Variants in FKBP10 observed in about 807,000 individuals in gnomAD.
FKBP10 encodes FKBP prolyl isomerase 10.
In FKBP10, 34 loss-of-function variants were observed where a neutral mutation model predicts 53.7. The ratio of observed to expected loss-of-function variants is 0.63; its 90% CI spans 0.48 to 0.84. The LOEUF is 0.84. Ranked by LOEUF, FKBP10 falls within the 40% of genes least tolerant of loss-of-function variation. The pLI is 0.00. For missense variants in FKBP10, 748 were observed against 797.8 expected (o/e 0.94, Z 0.75); for synonymous variants, 324 against 335.7 (o/e 0.97, Z 0.38).
At chr17:41,817,250 C>T in intron 2 of FKBP10, 47 bp downstream of exon 2, 1 of 1,603,600 alleles carries the variant, frequency 6.2e-7, no homozygotes, top group Non-Finnish European at 8.5e-7. Flanking sequence ...GACCACGAGG[C>T]AGAATCAGGG....
In FKBP10 at chr17:41,820,412, C is replaced by G. The variant is rs372896892; in HGVS notation, c.1207C>G (p.Arg403Gly). 1.2e-6 allele frequency: 2 copies of G among 1,613,978 alleles called. No homozygotes were observed. The highest frequency in any genetic ancestry group is 1.7e-6 in the Non-Finnish European group (2 of 1,180,042). ...NETTKLGDFV[R>G]YHYNCSLLDG... ...GACCACCAAGCTTGGGGACTTTGTT[C>G]GATACCATTACAACTGTTCTTTGCT... The change falls in exon 7 of 10, where the codon CGA becomes GGA. Residue 403 changes from arginine to glycine, a missense_variant. Arg to Gly is a moderately radical substitution (Grantham distance 125). Transcript: ENST00000321562.
At position 41,822,700 on chromosome 17, in the gene FKBP10, G is replaced by T; in HGVS notation, c.*292G>T. On this transcript the variant is annotated 3_prime_UTR_variant, in exon 10 of 10. Coordinates refer to ENST00000321562, the MANE Select transcript of FKBP10 (RefSeq NM_021939.4). ...CCTGGGGTTGGATAGGGCCATGGCT[G>T]GTCCCCCACCATACCTCCCCTCCAC... 2.1e-6 allele frequency: 1 copy of T among 484,108 alleles called. No homozygotes were observed. Among genetic ancestry groups the T allele is most frequent in the East Asian group, 3.9e-5 (1 of 25,574 alleles). 30.0% of individuals were successfully genotyped at this position (484,108 alleles called of 1,614,324 possible).
At chr17:41,815,119 A>G (rs370954634) in intron 1 of FKBP10, among the ~76,000 whole-genome samples, 3 of 152,080 alleles carry the variant, frequency 2.0e-5, no homozygotes, top group East Asian at 3.9e-4. Context: ...GGGTTTCACT[A>G]TGTTGGCCAG....
chr17:41,819,151 C>A, intron 4 of FKBP10, 59 bp from the exon 5 acceptor site: 4 of 1,588,184 alleles, frequency 2.5e-6, no homozygotes. Context: ...CTTCCTGAGT[C>A]AAGAAGGAGC....
chr17:41,818,019 C>T (rs546430438), intron 2 of FKBP10, 70 bp from the exon 3 acceptor site: 3 of 1,467,196 alleles, frequency 2.0e-6, no homozygotes, highest in East Asian at 2.5e-5. Context: ...AGGGGAATAA[C>T]AGGGCCCTGG....
In FKBP10 at chr17:41,823,168, G is replaced by A. The variant is rs910186954; in HGVS notation, c.*760G>A. ...GCTCTGCACACTCAAAGGCTAAACT[G>A]GTGTCAGTCCTTTTTTCCTTTGTTC... On this transcript the variant is annotated 3_prime_UTR_variant, in exon 10 of 10. Transcript: ENST00000321562. The A allele has an allele frequency of 6.5e-6, 1 of 152,990 alleles. No individual in the cohort carries two copies. Among genetic ancestry groups the A allele is most frequent in the Non-Finnish European group, 1.5e-5 (1 of 68,648 alleles). 9.5% of individuals were successfully genotyped at this position (152,990 alleles called of 1,614,324 possible).
In FKBP10 at chr17:41,818,477, G is replaced by A. The variant is rs556997852; in HGVS notation, c.677G>A (p.Arg226Lys). ...QGLLGMCPGE[R>K]RKIIIPPFLA... ...CTGCTGGGCATGTGTCCTGGAGAGA[G>A]AAGGAAGATTATCATCCCTCCATTC... Residue 226 changes from arginine to lysine, a missense_variant, in exon 4 of 10, where the codon AGA becomes AAA. By Grantham distance (26) the Arg-to-Lys change is conservative. Coordinates refer to ENST00000321562, the MANE Select transcript of FKBP10 (RefSeq NM_021939.4). 74 of 1,614,208 alleles carry A rather than the reference G, an allele frequency of 4.6e-5. No homozygotes were observed. The highest frequency in any genetic ancestry group is 4.1e-4 in the South Asian group (37 of 91,092).
chr17:41,820,314 T>A lies in FKBP10; in HGVS notation c.1109T>A (p.Val370Asp). The A allele has an allele frequency of 2.5e-6, 4 of 1,614,200 alleles. No individual in the cohort carries two copies. In the African/African-American group the frequency reaches 4.0e-5, roughly 16 times the overall value. ...GCCGTGCTAATCTTCAACGTCCATG[T>A]CATTGACTTCCACAACCCTGCGGAT... ...GSAVLIFNVHVIDFHNPADVV... is the reference protein window; with the variant it reads ...GSAVLIFNVHDIDFHNPADVV... The change falls in exon 7 of 10, where the codon GTC becomes GAC. Residue 370 changes from valine (V) to aspartate (D), a missense_variant. Transcript: ENST00000321562.
chr17:41,815,580 C>G (rs782159047), intron 1 of FKBP10, among the ~76,000 whole-genome samples: 3 of 151,878 alleles, frequency 2.0e-5, no homozygotes, highest in Non-Finnish European at 2.9e-5. Flanking sequence ...ATTCTCCTGC[C>G]TCAGCCTCCC....
At chr17:41,819,744 T>G in intron 6 of FKBP10, 69 bp downstream of exon 6, 1 of 1,554,796 alleles carries the variant, frequency 6.4e-7, no homozygotes, top group South Asian at 1.2e-5. Context: ...GGCCACCCCC[T>G]CCCACAGTGG....
intron 9 of FKBP10, 140 bp from the exon 10 acceptor site, chr17:41,822,083 C>A (rs1751157956): frequency 1.1e-6 from 1 of 924,420 alleles, no homozygotes; most frequent in Non-Finnish European, 1.7e-6. Context: ...CCTTTCCCAG[C>A]CCTTCCTGAG....
chr17:41,813,344 T>C (rs2144042273), intron 1 of FKBP10, 65 bp downstream of exon 1: 1 of 1,607,458 alleles, frequency 6.2e-7, no homozygotes, highest in Non-Finnish European at 8.5e-7. Context: ...CCTGTTTCCT[T>C]GTTGCCTCTT....
rs781825238 is a variant in FKBP10, at chr17:41,818,446, C to CCTG, written c.646_647insCTG (p.Gln216delinsProGlu). 6.2e-7 allele frequency: 1 copy of CCTG among 1,614,186 alleles called. No homozygotes were observed. The highest frequency in any genetic ancestry group is 1.7e-5 in the Admixed American group (1 of 60,028). ...TGGTTGGCTGATCAAGGGCATGGAC[C>CCTG]AGGGGCTGCTGGGCATGTGTCCTGG... On this transcript the variant is annotated protein_altering_variant, in exon 4 of 10. Coordinates refer to ENST00000321562, the MANE Select transcript of FKBP10 (RefSeq NM_021939.4).
In FKBP10 at chr17:41,813,030, G is replaced by A. The variant is rs782810636; in HGVS notation, c.-5G>A. On this transcript the variant is annotated 5_prime_UTR_variant, in exon 1 of 10. Coordinates refer to ENST00000321562, the MANE Select transcript of FKBP10 (RefSeq NM_021939.4). ...TCACTGCCGGCGGTCCCAACTCCAGGCACCATGTTCCCCGCGGGCCCCCCC... is the reference window on the plus strand; with the variant it reads ...TCACTGCCGGCGGTCCCAACTCCAGACACCATGTTCCCCGCGGGCCCCCCC... 2 of 1,609,680 alleles carry A rather than the reference G, an allele frequency of 1.2e-6. No individual in the cohort carries two copies. Among genetic ancestry groups the A allele is most frequent in the Non-Finnish European group, 1.7e-6 (2 of 1,179,536 alleles).
chr17:41,813,524 G>T (rs1283175289), intron 1 of FKBP10, among the ~76,000 whole-genome samples: 5 of 152,100 alleles, frequency 3.3e-5, no homozygotes, highest in Non-Finnish European at 7.4e-5. Context: ...CGATAATCAA[G>T]GTGAACTGCC....
Position 41,817,054 on chromosome 17 carries a change from C to A in FKBP10, c.246-4C>A, listed in dbSNP as rs781885521. 9.3e-6 allele frequency: 15 copies of A among 1,613,960 alleles called. No individual in the cohort carries two copies. Among genetic ancestry groups the A allele is most frequent in the Middle Eastern group, 1.6e-4 (1 of 6,084 alleles). On this transcript the variant is annotated splice_region_variant and splice_polypyrimidine_tract_variant and intron_variant, in intron 1 of 9. Transcript: ENST00000321562. ...CTGTATCCCATCTGTCCCTCCCCCC[C>A]CAGCTATGATCGCAACACCTTGGTG...
At position 41,813,083 on chromosome 17, in the gene FKBP10, C is replaced by T. The variant is rs2047768161; in HGVS notation, c.49C>T (p.Leu17=). The change falls in exon 1 of 10, where the codon CTG becomes TTG. Residue 17 remains leucine (L), a synonymous_variant. Transcript: ENST00000321562. The part of the protein sequence containing the change: ...PSHSLLRLPL[L]QLLLLVVQAV... The stretch of plus-strand genomic sequence containing the variant: ...CCACAGCCTCCTCCGGCTCCCCCTG[C>T]TGCAGTTGCTGCTACTGGTGGTGCA... The T allele has an allele frequency of 4.3e-6, 7 of 1,610,790 alleles. No homozygotes were observed. The highest frequency in any genetic ancestry group is 2.2e-5 in the South Asian group (2 of 91,022).
intron 6 of FKBP10, chr17:41,820,020 CA>C (rs781806534): frequency 1.1e-5 from 17 of 1,487,980 alleles, no homozygotes; most frequent in Non-Finnish European, 1.4e-5. Context: ...TGCTGATCCG[CA>C]GGGTAAGTTA....
rs368309333 is a variant in FKBP10, at chr17:41,813,288, G to C, written c.245+9G>C. 79 of 1,613,284 alleles carry C rather than the reference G, an allele frequency of 4.9e-5. No individual in the cohort carries two copies. In the African/African-American group the frequency reaches 1.0e-3, roughly 21 times the overall value. On this transcript the variant is annotated intron_variant, in intron 1 of 9. Coordinates refer to ENST00000321562, the MANE Select transcript of FKBP10 (RefSeq NM_021939.4). ...AAGAAGTTTGATTCAAGGTAACCCCGGTTGGGCGCCCCCGGATTCACCACT... is the reference window on the plus strand; with the variant it reads ...AAGAAGTTTGATTCAAGGTAACCCCCGTTGGGCGCCCCCGGATTCACCACT...
Sources: gnomAD v4.1 joint callset for allele counts (sites outside exome capture counted in the v4.1 genomes callset) on GRCh38, gnomAD v4.1.1 for gene constraint, MANE v1.5 for transcripts, NCBI Gene and HGNC (gene_info 2026-07-23, HGNC 2026-07-21) for gene names.